The following BARX2 variants were observed in gnomAD, a reference collection of about 807,000 sequenced individuals.
BARX2 encodes the protein BARX homeobox 2.
In BARX2, 11 loss-of-function variants were observed where a neutral mutation model predicts 25.5. That is an observed-to-expected ratio of 0.43 (90% CI 0.27 to 0.71). BARX2 has a LOEUF of 0.71. BARX2 is among the 30% of genes least tolerant of loss of function. BARX2 has a pLI of 0.19. For synonymous variants in BARX2, 137 were observed against 149.5 expected, an observed-to-expected ratio of 0.92 and a Z score of 0.61; for missense variants, 360 against 359.9, an observed-to-expected ratio of 1.00 and a Z score of 0.00.
At chr11:129,422,605 T>C (rs1282279322) in intron 1 of BARX2, among the ~76,000 whole-genome samples, 1 of 151,972 alleles carries the variant, frequency 6.6e-6, no homozygotes, top group Admixed American at 6.5e-5. Context: ...AGCCAGGACA[T>C]GGTCTTCTCG....
At chr11:129,410,468 T>C (rs769642873) in intron 1 of BARX2, among the ~76,000 whole-genome samples, 1 of 152,258 alleles carries the variant, frequency 6.6e-6, no homozygotes, top group African/African-American at 2.4e-5. Flanking sequence ...TTGATTTCTG[T>C]CTTTCATGTT....
rs190771878 is a variant in BARX2 at position 129,452,147 on chromosome 11, C to T, written c.*745C>T. 3 of 152,108 alleles carry T rather than the reference C, an allele frequency of 2.0e-5. No individual in the cohort carries two copies. The highest frequency in any genetic ancestry group is 2.0e-4 in the Admixed American group (3 of 15,286). 9.4% of individuals were successfully genotyped at this position (152,108 alleles called of 1,614,324 possible). On this transcript the variant is annotated 3_prime_UTR_variant, in exon 4 of 4. Transcript: ENST00000281437. ...CTATCCTACTGCTCAAGGTCATCAC[C>T]AAGATCTGATTTTTCATAAAAAACA... is the stretch of plus-strand genomic sequence containing the variant.
chr11:129,439,934 GTTC>G (rs1431919190), intron 2 of BARX2, among the ~76,000 whole-genome samples: 2 of 151,610 alleles, frequency 1.3e-5, no homozygotes, highest in African/African-American at 4.9e-5. Flanking sequence ...AGAAATATTA[GTTC>G]TTCTTAAACC....
chr11:129,448,035 T>C (rs891852595), intron 3 of BARX2, among the ~76,000 whole-genome samples: 8 of 152,230 alleles, frequency 5.3e-5, no homozygotes, highest in Non-Finnish European at 1.0e-4. Context: ...CCCCTTAATA[T>C]CTGTGTGTTA....
chr11:129,398,071 C>T (rs1413186719), intron 1 of BARX2, among the ~76,000 whole-genome samples: 1 of 152,198 alleles, frequency 6.6e-6, no homozygotes, highest in African/African-American at 2.4e-5. Flanking sequence ...TCAACTGCAT[C>T]TTTAGAAGTT....
chr11:129,429,326 G>T (rs891519187), intron 1 of BARX2, among the ~76,000 whole-genome samples: 2 of 152,084 alleles, frequency 1.3e-5, no homozygotes, highest in African/African-American at 4.8e-5. Context: ...GAGGTCAAGT[G>T]TTTGAGACCA....
chr11:129,451,317 G>A lies in BARX2; in HGVS notation c.755G>A (p.Arg252His), dbSNP rs34520023. The A allele has an allele frequency of 3.5e-3, 5,692 of 1,614,152 alleles. 159 individuals are homozygous for A. In the African/African-American group the frequency reaches 0.068, roughly 19 times the overall value. Reference sequence around the variant, plus strand: ...TGTGAAGCACAGGAACCGAAAGCACGTGATGTCCCCTTAGAGATGGCAGAG... The same window carrying A: ...TGTGAAGCACAGGAACCGAAAGCACATGATGTCCCCTTAGAGATGGCAGAG... ...ELCEAQEPKA[R>H]DVPLEMAEPP... is the part of the protein sequence containing the mutation. The change falls in exon 4 of 4, where the codon CGT (arginine) becomes CAT (histidine). Residue 252 changes from arginine to histidine, a missense_variant. Transcript: ENST00000281437.
intron 1 of BARX2, among the ~76,000 whole-genome samples, chr11:129,413,284 C>A (rs1278189849): frequency 6.6e-6 from 1 of 152,102 alleles, no homozygotes; most frequent in Non-Finnish European, 1.5e-5. Flanking sequence ...TGTCAAAAGC[C>A]ACGCAAGTTA....
At chr11:129,413,523 T>G (rs1393222477) in intron 1 of BARX2, among the ~76,000 whole-genome samples, 4 of 152,200 alleles carry the variant, frequency 2.6e-5, no homozygotes, top group Admixed American at 2.0e-4. Flanking sequence ...TCATGGAATT[T>G]AACTTTATTT....
chr11:129,428,519 G>A (rs887769194), intron 1 of BARX2, among the ~76,000 whole-genome samples: 1 of 152,212 alleles, frequency 6.6e-6, no homozygotes, highest in African/African-American at 2.4e-5. Context: ...TGGAATGCAA[G>A]CGCTTTGTGA....
intron 2 of BARX2, among the ~76,000 whole-genome samples, chr11:129,440,302 C>CTGTT (rs908541530): frequency 3.2e-4 from 48 of 152,354 alleles, no homozygotes; most frequent in Middle Eastern, 3.4e-3. Context: ...TGAGCTAACA[C>CTGTT]TGTTTGCTAA....
At chr11:129,442,961 A>G (rs1339027243) in intron 3 of BARX2, 42 bp downstream of exon 3, 2 of 1,557,712 alleles carry the variant, frequency 1.3e-6, no homozygotes. Context: ...CCTGATGGGA[A>G]GGACTTTTAC....
chr11:129,377,656 T>C (rs759465314), intron 1 of BARX2, among the ~76,000 whole-genome samples: 6 of 152,174 alleles, frequency 3.9e-5, no homozygotes, highest in Non-Finnish European at 8.8e-5. Context: ...TGAATAGGGG[T>C]GATAAGTTGA....
chr11:129,399,416 G>A (rs1861754335), intron 1 of BARX2, among the ~76,000 whole-genome samples: 1 of 152,074 alleles, frequency 6.6e-6, no homozygotes, highest in African/African-American at 2.4e-5. Flanking sequence ...TAAACAAGAT[G>A]AGGTCTCAGT....
intron 1 of BARX2, among the ~76,000 whole-genome samples, chr11:129,400,851 G>A (rs61911195): frequency 0.035 from 5,335 of 152,276 alleles, 112 homozygotes; most frequent in Non-Finnish European, 0.044. Flanking sequence ...AGAAAATTAG[G>A]TGTCTAAGCA....
chr11:129,436,919 G>C lies in BARX2; in HGVS notation c.356G>C (p.Ser119Thr). 2 of 1,613,944 alleles carry C rather than the reference G, an allele frequency of 1.2e-6. No individual in the cohort carries two copies. The highest frequency in any genetic ancestry group is 1.7e-6 in the Non-Finnish European group (2 of 1,179,926). Reference protein sequence around the residue: ...EAPGGEALASSESETEQPTPR... With the variant: ...EAPGGEALASTESETEQPTPR... ...CCAGGGGGCGAGGCCCTAGCCAGCA[G>C]CGAGTCAGAGACGGAACAGCCCACG... The change falls in exon 2 of 4, where the codon AGC (serine) becomes ACC (threonine). Residue 119 changes from serine (S) to threonine (T), a missense_variant. Physicochemically the swap from Ser to Thr is moderately conservative, Grantham distance 58. Transcript: ENST00000281437. The surrounding 1 kb of genome is among the most constrained non-coding windows in gnomAD (Gnocchi z 4.5).
intron 3 of BARX2, among the ~76,000 whole-genome samples, chr11:129,445,204 C>T (rs1342704860): frequency 6.6e-6 from 1 of 152,208 alleles, no homozygotes; most frequent in Non-Finnish European, 1.5e-5. Flanking sequence ...TTGCCCTTCC[C>T]TGGCTGATTT....
At chr11:129,397,792 C>T (rs1005221502) in intron 1 of BARX2, among the ~76,000 whole-genome samples, 1 of 152,136 alleles carries the variant, frequency 6.6e-6, no homozygotes, top group Non-Finnish European at 1.5e-5. Context: ...GAGACTTGGC[C>T]GAGCAGTTGG....
chr11:129,396,180 C>T (rs1591430985), intron 1 of BARX2, among the ~76,000 whole-genome samples: 1 of 152,154 alleles, frequency 6.6e-6, no homozygotes, highest in African/African-American at 2.4e-5. Flanking sequence ...GGGCCCCTCA[C>T]ACCAGCATAC....
Sources: allele counts gnomAD v4.1 joint callset (sites outside exome capture counted in the v4.1 genomes callset), GRCh38; gene constraint gnomAD v4.1.1; non-coding constraint Gnocchi (gnomAD v3.1); transcripts MANE v1.5; gene names NCBI Gene and HGNC (gene_info 2026-07-23, HGNC 2026-07-21).